The following PYGL variants were observed in gnomAD, a reference collection of about 807,000 sequenced individuals.
The protein encoded by PYGL is glycogen phosphorylase, liver form.
Under a neutral mutation model 100.1 loss-of-function variants are expected in PYGL, and 90 were observed. The observed-to-expected ratio is 0.90, with a 90% CI of 0.76 to 1.07. The LOEUF is 1.07. PYGL is among the 50% of genes least tolerant of loss of function. The pLI is 0.00. For missense variants in PYGL, 1,016 were observed against 1,057.6 expected (o/e 0.96, Z 0.55); for synonymous variants, 373 against 393.0 (o/e 0.95, Z 0.60).
At chr14:50,909,022 A>C (rs1236279298) in intron 17 of PYGL, 67 bp from the exon 18 acceptor site, 1 of 1,496,700 alleles carries the variant, frequency 6.7e-7, no homozygotes. Flanking sequence ...TTAACAACAC[A>C]CTAGACACTG....
chr14:50,937,680 T>C, intron 2 of PYGL, 56 bp downstream of exon 2: 2 of 1,508,398 alleles, frequency 1.3e-6, no homozygotes, highest in Non-Finnish European at 1.8e-6. Context: ...CCAAGTTTCC[T>C]GAAGTGCACA....
intron 16 of PYGL, among the ~76,000 whole-genome samples, chr14:50,911,476 C>T (rs2050396781): frequency 6.6e-6 from 1 of 152,218 alleles, no homozygotes; most frequent in Non-Finnish European, 1.5e-5. Context: ...GGCTGCCTCC[C>T]CCAGCACATA....
rs370565099 is a variant in PYGL at position 50,921,065 on chromosome 14, C to A, written c.663G>T (p.Val221=). 6.2e-7 allele frequency: 1 copy of A among 1,609,560 alleles called. No homozygotes were observed. The highest frequency in any genetic ancestry group is 8.5e-7 in the Non-Finnish European group (1 of 1,175,928). Residue 221 remains valine (V), a splice_region_variant and synonymous_variant, in exon 6 of 20, where the codon GTG becomes GTT. Transcript: ENST00000216392. ...NTGTKWIDTQ[V]VLALPYDTPV... is the part of the protein sequence containing the mutation. Reference sequence around the variant, plus strand: ...GGGTGTCATATGGCAGAGCCAGGACCACCTGTGGGATTAAACAGAAGCAGC... The same window carrying A: ...GGGTGTCATATGGCAGAGCCAGGACAACCTGTGGGATTAAACAGAAGCAGC...
At chr14:50,925,612 A>T (rs1350556803) in intron 4 of PYGL, among the ~76,000 whole-genome samples, 2 of 152,244 alleles carry the variant, frequency 1.3e-5, no homozygotes, top group Non-Finnish European at 2.9e-5. Flanking sequence ...CACAGCCACT[A>T]TCTTTTGAGA....
chr14:50,914,496 C>CAATAATAAT (rs58316457), intron 12 of PYGL, among the ~76,000 whole-genome samples: 13,082 of 148,418 alleles, frequency 0.088, 596 homozygotes, highest in South Asian at 0.12. Flanking sequence ...AACTCTGTCT[C>CAATAATAAT]AATAATAATA....
At chr14:50,915,996 G>T in intron 9 of PYGL, 25 bp from the exon 10 acceptor site, 1 of 1,613,574 alleles carries the variant, frequency 6.2e-7, no homozygotes, top group Non-Finnish European at 8.5e-7. Flanking sequence ...GGAGTCAGCT[G>T]CTTGCCCTGA....
intron 1 of PYGL, 143 bp from the exon 2 acceptor site, chr14:50,937,980 A>G (rs1023331108): frequency 1.3e-6 from 1 of 774,948 alleles, no homozygotes; most frequent in African/African-American, 1.7e-5. Context: ...GACTCCCGTC[A>G]GAGGTGTTTG....
intron 11 of PYGL, 68 bp downstream of exon 11, chr14:50,915,268 T>C: frequency 6.3e-7 from 1 of 1,574,964 alleles, no homozygotes; most frequent in Non-Finnish European, 8.7e-7. Flanking sequence ...AGTGCAACCC[T>C]GCATTTAGTA....
At chr14:50,905,820 A>G (rs562067042) in intron 19 of PYGL, among the ~76,000 whole-genome samples, 1 of 152,342 alleles carries the variant, frequency 6.6e-6, no homozygotes, top group East Asian at 1.9e-4. Flanking sequence ...CTAGTTGGCA[A>G]TTCCTGCTAT....
chr14:50,917,163 G>A (rs1288255863), intron 7 of PYGL, 58 bp from the exon 8 acceptor site: 1 of 1,551,206 alleles, frequency 6.4e-7, no homozygotes, highest in Non-Finnish European at 8.9e-7. Context: ...GCCAAAATGT[G>A]ACTGGTGTCT....
intron 2 of PYGL, 116 bp from the exon 3 acceptor site, chr14:50,935,301 T>C (rs1157975234): frequency 2.4e-6 from 2 of 823,490 alleles, no homozygotes; most frequent in Non-Finnish European, 4.1e-6. Context: ...GTACCTAATC[T>C]AGCGTCAGCT....
Position 50,905,507 on chromosome 14 carries a change from C to T in PYGL, c.2429G>A (p.Gly810Glu). 1 of 1,613,906 alleles carries T rather than the reference C, an allele frequency of 6.2e-7. No individual in the cohort carries two copies. The highest frequency in any genetic ancestry group is 8.5e-7 in the Non-Finnish European group (1 of 1,179,886). Reference protein sequence around the residue: ...TMVLKNIAASGKFSSDRTIKE... With the variant: ...TMVLKNIAASEKFSSDRTIKE... ...AATTGTTCGGTCACTGGAGAATTTC[C>T]CCGAGGCAGCTATGTTTTTGAGTAC... The change falls in exon 20 of 20, where the codon GGG becomes GAG. Residue 810 changes from glycine to glutamate, a missense_variant. Physicochemically the swap from Gly to Glu is moderately conservative, Grantham distance 98. Transcript: ENST00000216392.
intron 1 of PYGL, among the ~76,000 whole-genome samples, chr14:50,940,143 T>C (rs569042072): frequency 5.4e-4 from 82 of 152,336 alleles, no homozygotes; most frequent in Non-Finnish European, 8.8e-4. Context: ...TGGCTGGTGC[T>C]CTAGTACGTG....
At chr14:50,938,296 T>C (rs962444674) in intron 1 of PYGL, among the ~76,000 whole-genome samples, 1 of 152,226 alleles carries the variant, frequency 6.6e-6, no homozygotes, top group Non-Finnish European at 1.5e-5. Context: ...CTGCAACCTC[T>C]ACCTCCTGGG....
intron 2 of PYGL, among the ~76,000 whole-genome samples, chr14:50,936,239 T>TA (rs1228447250): frequency 6.6e-6 from 1 of 152,060 alleles, no homozygotes; most frequent in Non-Finnish European, 1.5e-5. Flanking sequence ...GTATTTTTTT[T>TA]AAATGGAAAA....
Position 50,916,628 on chromosome 14 carries a change from C to G in PYGL, c.1092+14G>C. The G allele has an allele frequency of 6.2e-7, 1 of 1,601,962 alleles. No individual in the cohort carries two copies. Among genetic ancestry groups the G allele is most frequent in the South Asian group, 1.1e-5 (1 of 90,800 alleles). On this transcript the variant is annotated intron_variant, in intron 9 of 19. Transcript: ENST00000216392. ...CTGGTTAATTAAAGGAAAAAGAAGC[C>G]AAACTATCCAGACCTTGGACCAGGG...
chr14:50,918,461 G>A (rs2050473181), intron 7 of PYGL, among the ~76,000 whole-genome samples: 1 of 152,162 alleles, frequency 6.6e-6, no homozygotes, highest in African/African-American at 2.4e-5. Context: ...ACAACAATAT[G>A]TGGTATATAT....
intron 7 of PYGL, among the ~76,000 whole-genome samples, chr14:50,919,322 T>C (rs1002592402): frequency 2.0e-5 from 3 of 152,222 alleles, no homozygotes; most frequent in Non-Finnish European, 4.4e-5. Context: ...TTCTCTGAAA[T>C]GTACTGAAGC....
In PYGL at chr14:50,924,088, C is replaced by T. The variant is rs767190580; in HGVS notation, c.541G>A (p.Asp181Asn). 2 of 1,613,824 alleles carry T rather than the reference C, an allele frequency of 1.2e-6. No individual in the cohort carries two copies. Among genetic ancestry groups the T allele is most frequent in the South Asian group, 2.2e-5 (2 of 91,078 alleles). Residue 181 changes from aspartate to asparagine, a missense_variant, in exon 5 of 20, where the codon GAT (aspartate) becomes AAT (asparagine). Asp to Asn is a conservative substitution (Grantham distance 23, BLOSUM62 1). Transcript: ENST00000216392. ...IRDGWQVEEA[D>N]DWLRYGNPWE... ...GGGTTTCCATATCTGAGCCAATCATCTGCTTCTTCTACCTGCAAAAGGATA... is the reference window on the plus strand; with the variant it reads ...GGGTTTCCATATCTGAGCCAATCATTTGCTTCTTCTACCTGCAAAAGGATA...
Sources: gnomAD v4.1 joint callset for allele counts (sites outside exome capture counted in the v4.1 genomes callset) on GRCh38, gnomAD v4.1.1 for gene constraint, MANE v1.5 for transcripts, NCBI Gene and HGNC (gene_info 2026-07-23, HGNC 2026-07-21) for gene names.